The following ENSA variants were observed in gnomAD, a reference collection of about 807,000 sequenced individuals.
ENSA encodes endosulfine alpha, also known as alpha-endosulfine.
ENSA carries 7 observed loss-of-function variants against 16.8 expected under a neutral mutation model. The ratio of observed to expected loss-of-function variants is 0.42; its 90% CI spans 0.24 to 0.78. The LOEUF (loss-of-function observed/expected upper bound fraction) is 0.78, where lower values mean the gene tolerates loss of function less well. Among genes scored for constraint, ENSA ranks in the 30% least tolerant of loss-of-function variants. ENSA has a pLI of 0.29. For synonymous variants in ENSA, 58 were observed against 53.4 expected (o/e 1.09, Z -0.37); for missense variants, 87 against 142.3 (o/e 0.61, Z 1.98).
At chr1:150,624,891 C>G (rs1290824036) in intron 3 of ENSA, 11 of 969,284 alleles carry the variant, frequency 1.1e-5, no homozygotes, top group Non-Finnish European at 1.3e-5. Context: ...CAAGGTTATA[C>G]AACAGCTCTG....
intron 2 of ENSA, chr1:150,627,189 C>A (rs1649392054): frequency 2.0e-6 from 3 of 1,488,464 alleles, no homozygotes; most frequent in South Asian, 1.4e-5. Context: ...TGCCTGGGGG[C>A]AGTCTGCATT....
rs992852760 is a variant in ENSA, at chr1:150,629,569, C to G, written c.-99G>C. ...GACAACCTGCGCTGCTGCTTCGGCTCCTGTCACTAGGGTTGCTCAGTCAAA... is the reference window on the plus strand; with the variant it reads ...GACAACCTGCGCTGCTGCTTCGGCTGCTGTCACTAGGGTTGCTCAGTCAAA... On this transcript the variant is annotated 5_prime_UTR_variant, in exon 1 of 4. Transcript: ENST00000369014. 1 of 1,470,134 alleles carries G rather than the reference C, an allele frequency of 6.8e-7. No individual in the cohort carries two copies. The highest frequency in any genetic ancestry group is 9.3e-7 in the Non-Finnish European group (1 of 1,078,308). The allele number at this position is 1,470,134 out of a possible 1,614,324, so 91.1% of individuals were successfully genotyped here.
In ENSA at chr1:150,624,420, T is replaced by G. The variant is rs189503757; in HGVS notation, c.350+1222A>C. On this transcript the variant is annotated intron_variant, in intron 3 of 3. Transcript: ENST00000369014. The stretch of plus-strand genomic sequence containing the variant: ...ACAATATACCTGGCATCAGACTGCA[T>G]CTGAAACATGGGTCAACACATGTGC... 2.2e-5 allele frequency: 22 copies of G among 985,944 alleles called. No individual in the cohort carries two copies. In the East Asian group the frequency reaches 2.4e-3, roughly 107 times the overall value. The allele number at this position is 985,944 out of a possible 1,614,324, so 61.1% of individuals were successfully genotyped here. A position where few individuals can be genotyped will look rare whatever the true frequency, so the allele number is the denominator to read the frequency against.
At chr1:150,625,077 G>A (rs587634147) in intron 3 of ENSA, 2 of 985,392 alleles carry the variant, frequency 2.0e-6, no homozygotes, top group Admixed American at 1.2e-4. Flanking sequence ...AACTGTAAGA[G>A]ATACTAAGTA....
intron 3 of ENSA, chr1:150,623,945 C>A (rs1019119231): frequency 1.0e-6 from 1 of 985,302 alleles, no homozygotes; most frequent in Non-Finnish European, 1.2e-6. Context: ...CCTCATCCCC[C>A]CACATGCACA....
At chr1:150,621,760 A>AT (rs1649008979), downstream of ENSA, 2 of 152,170 alleles carry the variant, frequency 1.3e-5, no homozygotes, top group South Asian at 4.1e-4. Context: ...AAGAAATAAT[A>AT]TATTTCTTTT....
Position 150,629,364 on chromosome 1 carries a change from G to A in ENSA, c.57+50C>T, listed in dbSNP as rs112523257. 1.8e-3 allele frequency: 2,932 copies of A among 1,596,064 alleles called. 54 individuals carry two copies. In the African/African-American group the frequency reaches 0.032, roughly 18 times the overall value. On this transcript the variant is annotated intron_variant, in intron 1 of 3. Coordinates refer to ENST00000369014, the MANE Select transcript of ENSA (RefSeq NM_004436.4). ...CCGCACTGGTGGGAGACCGTCTCCC[G>A]CCCCATCACGGTCTCCCCAGCTCGC...
intron 2 of ENSA, 42 bp from the exon 3 acceptor site, chr1:150,625,850 C>T: frequency 6.6e-7 from 1 of 1,522,656 alleles, no homozygotes; most frequent in Non-Finnish European, 8.8e-7. Context: ...AGGACTCTGG[C>T]CTTCCTCAAA....
chr1:150,626,765 C>G (rs923148731), intron 2 of ENSA, among the ~76,000 whole-genome samples: 3 of 152,112 alleles, frequency 2.0e-5, no homozygotes, highest in Non-Finnish European at 2.9e-5. Context: ...ACTATGGTCT[C>G]GATCTCCTGA....
intron 1 of ENSA, among the ~76,000 whole-genome samples, chr1:150,627,927 G>A (rs1196223405): frequency 3.3e-5 from 5 of 152,136 alleles, no homozygotes; most frequent in African/African-American, 1.2e-4. Context: ...AGAGAAAAAA[G>A]CAGGGCTTCT....
At chr1:150,628,956 C>G in intron 1 of ENSA, 96 of 1,162,654 alleles carry the variant, frequency 8.3e-5, no homozygotes, top group Middle Eastern at 2.0e-4. Flanking sequence ...AATAACTACA[C>G]TTCTCCCCTC....
chr1:150,626,377 C>T (rs759034649), intron 2 of ENSA: 36 of 1,147,640 alleles, frequency 3.1e-5, no homozygotes, highest in Non-Finnish European at 4.4e-5. Flanking sequence ...AGCCTGCCCA[C>T]GCCTGCCTTG....
chr1:150,625,332 A>G, intron 3 of ENSA: 1 of 1,061,214 alleles, frequency 9.4e-7, no homozygotes, highest in Non-Finnish European at 1.1e-6. Context: ...ATTCTCTCCC[A>G]AAAGGAGAAA....
chr1:150,626,705 C>T (rs751065427), intron 2 of ENSA, among the ~76,000 whole-genome samples: 5 of 152,174 alleles, frequency 3.3e-5, no homozygotes, highest in Admixed American at 2.6e-4. Flanking sequence ...TACAGGCGCC[C>T]GCCACCACAC....
At chr1:150,626,856 T>A (rs1423976647) in intron 2 of ENSA, among the ~76,000 whole-genome samples, 7 of 152,112 alleles carry the variant, frequency 4.6e-5, no homozygotes, top group Non-Finnish European at 8.8e-5. Flanking sequence ...ATTTTTTTTT[T>A]AAAAAACGAT....
chr1:150,628,125 C>T (rs1351474966), intron 1 of ENSA, among the ~76,000 whole-genome samples: 2 of 152,168 alleles, frequency 1.3e-5, no homozygotes, highest in African/African-American at 4.8e-5. Context: ...GTTGAAACCC[C>T]GTCTCTACAA....
At chr1:150,628,679 A>G (rs1168169991) in intron 1 of ENSA, among the ~76,000 whole-genome samples, 1 of 152,212 alleles carries the variant, frequency 6.6e-6, no homozygotes, top group East Asian at 1.9e-4. Context: ...GTCAAATACA[A>G]ACCCCAATAA....
chr1:150,628,941 A>G lies in ENSA; in HGVS notation c.57+473T>C. The stretch of plus-strand genomic sequence containing the variant: ...AGAAAGTTGCCGCCTTAAACTAGCC[A>G]TTATAATAACTACACTTCTCCCCTC... On this transcript the variant is annotated intron_variant, in intron 1 of 3. Transcript: ENST00000369014. 4 of 972,446 alleles carry G rather than the reference A, an allele frequency of 4.1e-6. No homozygotes were observed. The South Asian group carries it at 5.6e-5, about 14-fold the overall frequency. 60.2% of individuals were successfully genotyped at this position (972,446 alleles called of 1,614,324 possible). A position where few individuals can be genotyped will look rare whatever the true frequency, so the allele number is the denominator to read the frequency against.
intron 3 of ENSA, chr1:150,624,572 T>A (rs1649173859): frequency 2.0e-6 from 2 of 985,646 alleles, no homozygotes; most frequent in South Asian, 9.4e-5. Context: ...GCTAGCTTCC[T>A]AAGTATTTTT....
Sources: allele counts gnomAD v4.1 joint callset (sites outside exome capture counted in the v4.1 genomes callset), GRCh38; gene constraint gnomAD v4.1.1; transcripts MANE v1.5; gene names NCBI Gene and HGNC (gene_info 2026-07-23, HGNC 2026-07-21).